Variants in ARRDC4 observed in about 807,000 individuals in gnomAD.
ARRDC4 encodes the protein arrestin domain-containing protein 4.
A neutral mutation model predicts 44.6 loss-of-function variants in ARRDC4; 40 were observed. The observed-to-expected ratio is 0.90, with a 90% CI of 0.70 to 1.17. The LOEUF (loss-of-function observed/expected upper bound fraction) is 1.17, where lower values mean the gene tolerates loss of function less well. Ranked by LOEUF, ARRDC4 falls within the 50% of genes most tolerant of loss-of-function variation. ARRDC4 has a pLI of 0.00. For missense variants in ARRDC4, 550 were observed against 559.1 expected, an observed-to-expected ratio of 0.98 and a Z score of 0.16; for synonymous variants, 211 against 221.2, an observed-to-expected ratio of 0.95 and a Z score of 0.41.
At chr15:97,964,861 C>T (rs1899388070) in intron 1 of ARRDC4, among the ~76,000 whole-genome samples, 1 of 152,138 alleles carries the variant, frequency 6.6e-6, no homozygotes, top group Non-Finnish European at 1.5e-5. Flanking sequence ...CATTTCTGCT[C>T]AAAGAATACT....
rs766380976 is a variant in ARRDC4, at chr15:97,961,150, C to T, written c.289C>T (p.Leu97=). The T allele has an allele frequency of 9.7e-6, 14 of 1,443,890 alleles. No individual in the cohort carries two copies. In the East Asian group the frequency reaches 3.9e-4, roughly 41 times the overall value. 89.4% of individuals were successfully genotyped at this position (1,443,890 alleles called of 1,614,324 possible). The change falls in exon 1 of 8, where the codon CTG becomes TTG. Residue 97 remains leucine (L), a synonymous_variant. Coordinates refer to ENST00000268042, the MANE Select transcript of ARRDC4 (RefSeq NM_183376.3). ...EVEYLNVRLS[L]REPPAGEGII... is the part of the protein sequence containing the mutation. ...GGAGTACCTGAACGTGCGCCTCAGC[C>T]TGCGGGAGCCCCCGGCCGGTAAGCG... is the stretch of plus-strand genomic sequence containing the variant.
In ARRDC4 at chr15:97,967,930, C is replaced by A; in HGVS notation, c.523-84C>A. 2 of 832,932 alleles carry A rather than the reference C, an allele frequency of 2.4e-6. No individual in the cohort carries two copies. Among genetic ancestry groups the A allele is most frequent in the Non-Finnish European group, 3.6e-6 (2 of 550,052 alleles). 51.6% of individuals were successfully genotyped at this position (832,932 alleles called of 1,614,324 possible). On this transcript the variant is annotated intron_variant, in intron 3 of 7. Transcript: ENST00000268042. The surrounding 1 kb of genome is among the most constrained non-coding windows in gnomAD (Gnocchi z 5.0). ...TTTTTGGTATTTCCTTACAACCATT[C>A]TGTGAAGATAGATATAATTTTAAGT...
In ARRDC4 at chr15:97,970,021, C is replaced by T. The variant is rs1415446340; in HGVS notation, c.1021C>T (p.Leu341=). 1.9e-6 allele frequency: 3 copies of T among 1,611,450 alleles called. No individual in the cohort carries two copies. The South Asian group carries it at 3.3e-5, about 18-fold the overall frequency. ...CAGTATGGATATGAGCTGGTTGACA[C>T]TGACCCTGCCAGAGCAGCCTGAAGG... is the stretch of plus-strand genomic sequence containing the variant. The part of the protein sequence containing the change: ...QFSMDMSWLT[L]TLPEQPEAPP... Residue 341 remains leucine (L), a synonymous_variant, in exon 6 of 8, where the codon CTG becomes TTG. Coordinates refer to ENST00000268042, the MANE Select transcript of ARRDC4 (RefSeq NM_183376.3). The surrounding 1 kb of genome is among the most constrained non-coding windows in gnomAD (Gnocchi z 4.2).
At position 97,968,941 on chromosome 15, in the gene ARRDC4, G is replaced by T. The variant is rs1419275356; in HGVS notation, c.626-182G>T. ...CAATAATGCAATAATTAGAAAATAA[G>T]ATCTACCACAACCTGCAGTGAATTT... On this transcript the variant is annotated intron_variant, in intron 4 of 7. Transcript: ENST00000268042. This position sits in a 1 kb window ranked among gnomAD's most constrained non-coding sequence, Gnocchi z 5.4. Among the ~76,000 whole-genome samples, 2 of 152,088 alleles carry T rather than the reference G, an allele frequency of 1.3e-5. No homozygotes were observed. The highest frequency in any genetic ancestry group is 3.9e-4 in the East Asian group (2 of 5,178).
chr15:97,961,264 T>A lies in ARRDC4; in HGVS notation c.307+96T>A, dbSNP rs1472013957. On this transcript the variant is annotated intron_variant, in intron 1 of 7. Transcript: ENST00000268042. ...ACCCTCGGGATGCCCACCTGGCAGG[T>A]GAGATCAGGGCGGGCTTCCGGGGGT... 4.3e-6 allele frequency: 5 copies of A among 1,167,384 alleles called. No individual in the cohort carries two copies. The South Asian group carries it at 1.3e-4, about 30-fold the overall frequency. 72.3% of individuals were successfully genotyped at this position (1,167,384 alleles called of 1,614,324 possible). A position where few individuals can be genotyped will look rare whatever the true frequency, so the allele number is the denominator to read the frequency against.
In ARRDC4 at chr15:97,965,455, A is replaced by T; in HGVS notation, c.308-145A>T. 1 of 676,132 alleles carries T rather than the reference A, an allele frequency of 1.5e-6. No homozygotes were observed. The highest frequency in any genetic ancestry group is 2.6e-6 in the Non-Finnish European group (1 of 383,930). The allele number at this position is 676,132 out of a possible 1,614,324, so 41.9% of individuals were successfully genotyped here. On this transcript the variant is annotated intron_variant, in intron 1 of 7. Coordinates refer to ENST00000268042, the MANE Select transcript of ARRDC4 (RefSeq NM_183376.3). This position sits in a 1 kb window ranked among gnomAD's most constrained non-coding sequence, Gnocchi z 5.1. ...CGCACACACACCCCCCTTCAAACTT[A>T]ATTCTCTACATTTGTTTAATGAACT... is the stretch of plus-strand genomic sequence containing the variant.
rs759798131 is a variant in ARRDC4, at chr15:97,966,018, C to T, written c.498C>T (p.Val166=). 7 of 1,614,120 alleles carry T rather than the reference C, an allele frequency of 4.3e-6. No homozygotes were observed. The highest frequency in any genetic ancestry group is 3.3e-4 in the Middle Eastern group (2 of 6,062). ...GGGAACTCCAGGTTGTTAGTCATGT[C>T]GATGTCAACACACCAGCATTATTAG... ...VKRELQVVSH[V]DVNTPALLTP... Residue 166 remains valine (V), a synonymous_variant, in exon 3 of 8, where the codon GTC becomes GTT. Transcript: ENST00000268042. The surrounding 1 kb of genome is among the most constrained non-coding windows in gnomAD (Gnocchi z 4.7).
chr15:97,969,769 GGCA>G, intron 5 of ARRDC4, 111 bp from the exon 6 acceptor site: 4 of 940,310 alleles, frequency 4.3e-6, no homozygotes, highest in Non-Finnish European at 6.2e-6. Context: ...TGGGGGTGGT[GGCA>G]GCCGACAAAA....
rs200742069 is a variant in ARRDC4, at chr15:97,969,398, T to C, written c.882+19T>C. 2.0e-6 allele frequency: 2 copies of C among 1,006,966 alleles called. No individual in the cohort carries two copies. Among genetic ancestry groups the C allele is most frequent in the Admixed American group, 4.5e-5 (2 of 44,546 alleles). The allele number at this position is 1,006,966 out of a possible 1,614,324, so 62.4% of individuals were successfully genotyped here. Reference sequence around the variant, plus strand: ...CTTAGCTGTAAGCAAAGCTCTTTTTTAAAAAAAAATGTGTATGATGGACAA... The same window carrying C: ...CTTAGCTGTAAGCAAAGCTCTTTTTCAAAAAAAAATGTGTATGATGGACAA... On this transcript the variant is annotated intron_variant, in intron 5 of 7. Coordinates refer to ENST00000268042, the MANE Select transcript of ARRDC4 (RefSeq NM_183376.3).
Position 97,967,944 on chromosome 15 carries a change from A to G in ARRDC4, c.523-70A>G. 1.0e-6 allele frequency: 1 copy of G among 956,062 alleles called. No individual in the cohort carries two copies. Among genetic ancestry groups the G allele is most frequent in the Non-Finnish European group, 1.6e-6 (1 of 644,554 alleles). The allele number at this position is 956,062 out of a possible 1,614,324, so 59.2% of individuals were successfully genotyped here. On this transcript the variant is annotated intron_variant, in intron 3 of 7. Coordinates refer to ENST00000268042, the MANE Select transcript of ARRDC4 (RefSeq NM_183376.3). This position sits in a 1 kb window ranked among gnomAD's most constrained non-coding sequence, Gnocchi z 5.0. ...TTACAACCATTCTGTGAAGATAGATATAATTTTAAGTTCTATGAGTTCTCT... is the reference window on the plus strand; with the variant it reads ...TTACAACCATTCTGTGAAGATAGATGTAATTTTAAGTTCTATGAGTTCTCT...
rs74918419 is a variant in ARRDC4, at chr15:97,967,219, T to C, written c.523-795T>C. Among the ~76,000 whole-genome samples, 5,647 of 152,268 alleles carry C rather than the reference T, an allele frequency of 0.037. 284 individuals carry two copies. Among genetic ancestry groups the C allele is most frequent in the African/African-American group, 0.11 (4,696 of 41,530 alleles). On this transcript the variant is annotated intron_variant, in intron 3 of 7. Coordinates refer to ENST00000268042, the MANE Select transcript of ARRDC4 (RefSeq NM_183376.3). The surrounding 1 kb of genome is among the most constrained non-coding windows in gnomAD (Gnocchi z 5.0). ...ATATTTTTAAAGTTTTTATGACCAT[T>C]GTGGGAATTGATTTAAAGGGATTTG... is the stretch of plus-strand genomic sequence containing the variant.
rs1899513179 is a variant in ARRDC4, at chr15:97,971,427, C to T, written c.*240C>T. ...AAACTGGGATGAAGATGTGCAAAGT[C>T]ACAGAATGTAATGGAAGTCCTGATG... is the stretch of plus-strand genomic sequence containing the variant. On this transcript the variant is annotated 3_prime_UTR_variant, in exon 8 of 8. Coordinates refer to ENST00000268042, the MANE Select transcript of ARRDC4 (RefSeq NM_183376.3). 3 of 494,512 alleles carry T rather than the reference C, an allele frequency of 6.1e-6. No individual in the cohort carries two copies. The highest frequency in any genetic ancestry group is 4.3e-5 in the South Asian group (2 of 46,088). The allele number at this position is 494,512 out of a possible 1,614,324, so 30.6% of individuals were successfully genotyped here. A position where few individuals can be genotyped will look rare whatever the true frequency, so the allele number is the denominator to read the frequency against.
At position 97,960,838 on chromosome 15, in the gene ARRDC4, G is replaced by A. The variant is rs1029147173; in HGVS notation, c.-24G>A. The A allele has an allele frequency of 1.5e-6, 2 of 1,313,826 alleles. No homozygotes were observed. The highest frequency in any genetic ancestry group is 2.2e-5 in the South Asian group (1 of 45,272). 81.4% of individuals were successfully genotyped at this position (1,313,826 alleles called of 1,614,324 possible). A position where few individuals can be genotyped will look rare whatever the true frequency, so the allele number is the denominator to read the frequency against. On this transcript the variant is annotated 5_prime_UTR_variant, in exon 1 of 8. Coordinates refer to ENST00000268042, the MANE Select transcript of ARRDC4 (RefSeq NM_183376.3). ...GCTCCGGGCCTCTGCCGACCTCAGG[G>A]GCAGGAAAGAGTCGCCCGGCGGGAT...
chr15:97,971,297 G>C lies in ARRDC4; in HGVS notation c.*110G>C. On this transcript the variant is annotated 3_prime_UTR_variant, in exon 8 of 8. Coordinates refer to ENST00000268042, the MANE Select transcript of ARRDC4 (RefSeq NM_183376.3). ...GATTCACTTGAAAACATAAATGAAC[G>C]TCAAGACTGAAGGCAATAGAAATTA... 2 of 1,114,334 alleles carry C rather than the reference G, an allele frequency of 1.8e-6. No homozygotes were observed. Among genetic ancestry groups the C allele is most frequent in the Middle Eastern group, 2.0e-4 (1 of 4,946 alleles). 69.0% of individuals were successfully genotyped at this position (1,114,334 alleles called of 1,614,324 possible).
At chr15:97,969,598 G>A (rs1899473582) in intron 5 of ARRDC4, among the ~76,000 whole-genome samples, 1 of 152,178 alleles carries the variant, frequency 6.6e-6, no homozygotes. Flanking sequence ...ATTAAGGGGT[G>A]TTTGTTATAT....
chr15:97,973,260 A>C lies in ARRDC4; in HGVS notation c.*2073A>C, dbSNP rs1899545144. 1 of 152,634 alleles carries C rather than the reference A, an allele frequency of 6.6e-6. No individual in the cohort carries two copies. Among genetic ancestry groups the C allele is most frequent in the African/African-American group, 2.4e-5 (1 of 41,464 alleles). 9.5% of individuals were successfully genotyped at this position (152,634 alleles called of 1,614,324 possible). ...GTTCCATCTAGAAAAGCAACAACTT[A>C]AAGGAATCCTTCACTAGGATTGTCT... On this transcript the variant is annotated 3_prime_UTR_variant, in exon 8 of 8. Coordinates refer to ENST00000268042, the MANE Select transcript of ARRDC4 (RefSeq NM_183376.3).
In ARRDC4 at chr15:97,960,943, C is replaced by A. The variant is rs1437784642; in HGVS notation, c.82C>A (p.Arg28Ser). ...KSLGLVFEDE[R>S]KGCYSSGETV... ...CCTGGGTCTGGTGTTCGAGGACGAG[C>A]GCAAGGGCTGCTATTCCAGCGGCGA... The change falls in exon 1 of 8, where the codon CGC becomes AGC. Residue 28 changes from arginine (R) to serine (S), a missense_variant. By Grantham distance (110) the Arg-to-Ser change is moderately radical (BLOSUM62 -1). Transcript: ENST00000268042. 3 of 1,468,306 alleles carry A rather than the reference C, an allele frequency of 2.0e-6. No homozygotes were observed. In the Admixed American group the frequency reaches 7.2e-5, roughly 35 times the overall value. 91.0% of individuals were successfully genotyped at this position (1,468,306 alleles called of 1,614,324 possible). A position where few individuals can be genotyped will look rare whatever the true frequency, so the allele number is the denominator to read the frequency against.
In ARRDC4 at chr15:97,968,100, A is replaced by G. The variant is rs373507751; in HGVS notation, c.609A>G (p.Arg203=). Residue 203 remains arginine (R), a synonymous_variant, in exon 4 of 8, where the codon AGA becomes AGG. Coordinates refer to ENST00000268042, the MANE Select transcript of ARRDC4 (RefSeq NM_183376.3). The surrounding 1 kb of genome is among the most constrained non-coding windows in gnomAD (Gnocchi z 5.4). The part of the protein sequence containing the change: ...GPVSLSAKIE[R]KGYCNGEAIP... ...TCTCGCTGAGTGCCAAAATTGAAAG[A>G]AAGGGATACTGTAATGGTAAGCAAA... 4 of 1,601,012 alleles carry G rather than the reference A, an allele frequency of 2.5e-6. No individual in the cohort carries two copies. The highest frequency in any genetic ancestry group is 3.4e-6 in the Non-Finnish European group (4 of 1,173,370).
At position 97,972,435 on chromosome 15, in the gene ARRDC4, T is replaced by A. The variant is rs567741952; in HGVS notation, c.*1248T>A. 6.5e-6 allele frequency: 1 copy of A among 152,706 alleles called. No homozygotes were observed. Among genetic ancestry groups the A allele is most frequent in the South Asian group, 2.1e-4 (1 of 4,820 alleles). The allele number at this position is 152,706 out of a possible 1,614,324, so 9.5% of individuals were successfully genotyped here. On this transcript the variant is annotated 3_prime_UTR_variant, in exon 8 of 8. Coordinates refer to ENST00000268042, the MANE Select transcript of ARRDC4 (RefSeq NM_183376.3). This position sits in a 1 kb window ranked among gnomAD's most constrained non-coding sequence, Gnocchi z 5.3. ...ATTGTGTTGGTGCAATATTTTATTA[T>A]CATTTAACCTCAGGATATTCAGACC...
Sources: allele counts gnomAD v4.1 joint callset (sites outside exome capture counted in the v4.1 genomes callset), GRCh38; gene constraint gnomAD v4.1.1; non-coding constraint Gnocchi (gnomAD v3.1); transcripts MANE v1.5; gene names NCBI Gene and HGNC (gene_info 2026-07-23, HGNC 2026-07-21).